Variants in STXBP4 observed in about 807,000 individuals in gnomAD.
The protein encoded by STXBP4 is syntaxin binding protein 4.
A neutral mutation model predicts 76.1 loss-of-function variants in STXBP4; 55 were observed. That is an observed-to-expected ratio of 0.72 (90% CI 0.58 to 0.91). The LOEUF (loss-of-function observed/expected upper bound fraction) is 0.91. STXBP4 is among the 40% of genes least tolerant of loss of function. The pLI is 0.00. For synonymous variants in STXBP4, 201 were observed against 220.2 expected, an observed-to-expected ratio of 0.91 and a Z score of 0.77; for missense variants, 618 against 636.9, an observed-to-expected ratio of 0.97 and a Z score of 0.32.
chr17:54,986,126 A>G lies in STXBP4; in HGVS notation c.-78-16A>G, dbSNP rs955978576. ...TCTAAGACCTGACAATTTATTTTCT[A>G]CTTCTTCAATCCTAGGAAAAGAAGA... is the stretch of plus-strand genomic sequence containing the variant. On this transcript the variant is annotated splice_polypyrimidine_tract_variant and intron_variant, in intron 2 of 17. Transcript: ENST00000376352. 7.9e-5 allele frequency: 85 copies of G among 1,073,738 alleles called. 1 individual carries two copies. Among genetic ancestry groups the G allele is most frequent in the Non-Finnish European group, 1.1e-4 (80 of 714,000 alleles). The allele number at this position is 1,073,738 out of a possible 1,614,324, so 66.5% of individuals were successfully genotyped here.
Position 54,997,878 on chromosome 17 carries a change from G to A in STXBP4, c.181-1467G>A, listed in dbSNP as rs368848715. 1.1e-4 allele frequency among the ~76,000 whole-genome samples: 17 copies of A among 150,616 alleles called. No homozygotes were observed. The East Asian group carries it at 2.1e-3, about 19-fold the overall frequency. On this transcript the variant is annotated intron_variant, in intron 4 of 17. Transcript: ENST00000376352. ...GTTGGGTGTACAGATGTGAGCCACCGTGCCTGGCTTATATATTTTTAAAAA... is the reference window on the plus strand; with the variant it reads ...GTTGGGTGTACAGATGTGAGCCACCATGCCTGGCTTATATATTTTTAAAAA...
chr17:55,025,131 A>C (rs2078388878), intron 8 of STXBP4, among the ~76,000 whole-genome samples: 1 of 151,572 alleles, frequency 6.6e-6, no homozygotes, highest in Non-Finnish European at 1.5e-5. Flanking sequence ...ACAGAGCGAG[A>C]CTCCGTCTCA....
At position 55,159,830 on chromosome 17, in the gene STXBP4, C is replaced by A; in HGVS notation, c.1581C>A (p.Pro527=). 1 of 1,613,554 alleles carries A rather than the reference C, an allele frequency of 6.2e-7. No homozygotes were observed. Among genetic ancestry groups the A allele is most frequent in the Non-Finnish European group, 8.5e-7 (1 of 1,179,598 alleles). The part of the protein sequence containing the change: ...HVTQTTSWIH[P]VMSVLNLSRS... Reference sequence around the variant, plus strand: ...CACAGACTACATCCTGGATCCATCCCGTGATGAGTGTCCTGAATCTATCTC... The same window carrying A: ...CACAGACTACATCCTGGATCCATCCAGTGATGAGTGTCCTGAATCTATCTC... Residue 527 remains proline (P), a synonymous_variant, in exon 18 of 18, where the codon CCC becomes CCA. Transcript: ENST00000376352.
At position 55,172,140 on chromosome 17, in the gene STXBP4, G is replaced by A. The variant is rs1331543055; in HGVS notation, c.*12229G>A. The A allele has an allele frequency of 6.6e-6, 1 of 152,218 alleles. No individual in the cohort carries two copies. Among genetic ancestry groups the A allele is most frequent in the Non-Finnish European group, 1.5e-5 (1 of 68,048 alleles). The allele number at this position is 152,218 out of a possible 1,614,324, so 9.4% of individuals were successfully genotyped here. ...TGTAGGTAAGGTTTGACTCATCTGG[G>A]TTAGTAGTAAGAACAAACTTCCAAG... On this transcript the variant is annotated 3_prime_UTR_variant, in exon 18 of 18. Transcript: ENST00000376352.
chr17:55,175,596 AGT>A (rs141702169), downstream of STXBP4, among the ~76,000 whole-genome samples: 3,010 of 152,284 alleles, frequency 0.02, 111 homozygotes, highest in African/African-American at 0.068. Flanking sequence ...AGAACAAGCA[AGT>A]GATGGTGAAG....
intron 1 of STXBP4, among the ~76,000 whole-genome samples, chr17:54,980,666 G>A (rs917617700): frequency 3.9e-5 from 6 of 152,202 alleles, no homozygotes; most frequent in African/African-American, 1.2e-4. Context: ...CTGCCATGCA[G>A]TGCAAAGGGA....
At chr17:55,190,924 G>A in the STXBP4 span, among the ~76,000 whole-genome samples, 1 of 152,326 alleles carries the variant, frequency 6.6e-6, no homozygotes, top group East Asian at 1.9e-4. Context: ...GGTTTACTCA[G>A]AGCCAGAGAG....
chr17:55,116,274 G>A (rs2079779351), intron 16 of STXBP4, among the ~76,000 whole-genome samples: 1 of 151,616 alleles, frequency 6.6e-6, no homozygotes, highest in African/African-American at 2.4e-5. Context: ...ATATGTTTTT[G>A]GTGTTTGTGT....
At chr17:55,090,505 A>G (rs535315335) in intron 16 of STXBP4, among the ~76,000 whole-genome samples, 1 of 152,196 alleles carries the variant, frequency 6.6e-6, no homozygotes, top group South Asian at 2.1e-4. Flanking sequence ...AATTTGGTCA[A>G]ATTTTAGGGC....
intron 1 of STXBP4, among the ~76,000 whole-genome samples, chr17:54,977,023 C>T (rs1813844178): frequency 6.6e-6 from 1 of 152,014 alleles, no homozygotes; most frequent in Non-Finnish European, 1.5e-5. Flanking sequence ...GAGAGGGATA[C>T]AAATTTCCCA....
chr17:55,054,766 GA>G (rs1446824194), intron 12 of STXBP4, among the ~76,000 whole-genome samples: 2 of 151,774 alleles, frequency 1.3e-5, no homozygotes, highest in South Asian at 2.1e-4. Flanking sequence ...AATAATAGAA[GA>G]AAAAATATTA....
chr17:55,022,501 G>A (rs943407080), intron 8 of STXBP4, among the ~76,000 whole-genome samples: 1 of 152,080 alleles, frequency 6.6e-6, no homozygotes, highest in African/African-American at 2.4e-5. Context: ...TGTAAAATTG[G>A]TGGTATACAA....
chr17:55,157,949 G>A (rs978760892), intron 17 of STXBP4, among the ~76,000 whole-genome samples: 2 of 152,184 alleles, frequency 1.3e-5, no homozygotes, highest in African/African-American at 4.8e-5. Flanking sequence ...TAGTCTTGGA[G>A]ACTCATAGAG....
intron 16 of STXBP4, among the ~76,000 whole-genome samples, chr17:55,133,050 A>ATCTG (rs573267142): frequency 7.2e-5 from 11 of 152,116 alleles, no homozygotes; most frequent in Non-Finnish European, 1.0e-4. Flanking sequence ...AAGGAACATA[A>ATCTG]TCTGACTTTT....
rs930143979 is a variant in STXBP4, at chr17:55,148,730, G to A, written c.1547+7363G>A. ...ATTTTTGTATTTTTAGTAGAGGCGG[G>A]GCCATGTTGGCTAGACTGGTCTTGA... On this transcript the variant is annotated intron_variant, in intron 17 of 17. Coordinates refer to ENST00000376352, the MANE Select transcript of STXBP4 (RefSeq NM_178509.6). 6.6e-5 allele frequency among the ~76,000 whole-genome samples: 10 copies of A among 152,002 alleles called. No homozygotes were observed. The East Asian group carries it at 1.9e-3, about 29-fold the overall frequency.
the STXBP4 span, among the ~76,000 whole-genome samples, chr17:55,194,723 G>A: frequency 5.9e-5 from 9 of 152,182 alleles, no homozygotes; most frequent in African/African-American, 2.2e-4. Flanking sequence ...AAGAGGCAAG[G>A]CCATACCTGA....
rs547495209 is a variant in STXBP4, at chr17:55,169,266, C to A, written c.*9355C>A. 1 of 150,220 alleles carries A rather than the reference C, an allele frequency of 6.7e-6. No homozygotes were observed. Among genetic ancestry groups the A allele is most frequent in the Admixed American group, 6.8e-5 (1 of 14,746 alleles). 9.3% of individuals were successfully genotyped at this position (150,220 alleles called of 1,614,324 possible). On this transcript the variant is annotated 3_prime_UTR_variant, in exon 18 of 18. Coordinates refer to ENST00000376352, the MANE Select transcript of STXBP4 (RefSeq NM_178509.6). ...TGGAGATGACTTTGGTTCACTCCCA[C>A]GGGAGAGCCCTAGAGACAAAAAGGT...
intron 12 of STXBP4, among the ~76,000 whole-genome samples, chr17:55,057,100 C>CT (rs2078934290): frequency 6.6e-6 from 1 of 151,988 alleles, no homozygotes; most frequent in African/African-American, 2.4e-5. Context: ...TTTCCTTTTC[C>CT]TTGTAGTTTG....
downstream of STXBP4, among the ~76,000 whole-genome samples, chr17:55,176,013 A>G (rs1456060578): frequency 6.6e-6 from 1 of 152,204 alleles, no homozygotes; most frequent in Non-Finnish European, 1.5e-5. Flanking sequence ...GGAGTAATCC[A>G]GTGATTCCTG....
Sources: gnomAD v4.1 joint callset for allele counts (sites outside exome capture counted in the v4.1 genomes callset) on GRCh38, gnomAD v4.1.1 for gene constraint, MANE v1.5 for transcripts, NCBI Gene and HGNC (gene_info 2026-07-23, HGNC 2026-07-21) for gene names.